CCDC30: variants seen among roughly 807,000 people sequenced by gnomAD.
CCDC30 encodes coiled-coil domain containing 30, also known as coiled-coil domain-containing protein 30.
CCDC30 carries 70 observed loss-of-function variants against 100.2 expected under a neutral mutation model. That is an observed-to-expected ratio of 0.70 (90% CI 0.58 to 0.85). CCDC30 has a LOEUF of 0.85. Ranked by LOEUF, CCDC30 falls within the 40% of genes least tolerant of loss-of-function variation. The probability of loss-of-function intolerance (pLI) is 0.00; values close to 1 mark genes in which losing one functional copy is unlikely to be tolerated. For missense variants in CCDC30, 652 were observed against 771.2 expected, an observed-to-expected ratio of 0.85 and a Z score of 1.83; for synonymous variants, 233 against 269.5, an observed-to-expected ratio of 0.86 and a Z score of 1.33.
At chr1:42,545,486 T>A in intron 6 of CCDC30, 1 of 1,605,666 alleles carries the variant, frequency 6.2e-7, no homozygotes, top group South Asian at 1.1e-5. Flanking sequence ...TCTAATTTAA[T>A]TACAAGTGAA....
chr1:42,651,859 G>A (rs1648379879), intron 15 of CCDC30, among the ~76,000 whole-genome samples: 1 of 152,100 alleles, frequency 6.6e-6, no homozygotes, highest in Non-Finnish European at 1.5e-5. Context: ...GGGTGACAGA[G>A]CAACACCCTA....
At chr1:42,545,579 G>C in intron 6 of CCDC30, 2 of 1,597,852 alleles carry the variant, frequency 1.3e-6, no homozygotes, top group South Asian at 1.1e-5. Context: ...GAGGAACTCT[G>C]GTAAATTGGG....
chr1:42,602,413 G>A (rs1430206521), intron 10 of CCDC30, among the ~76,000 whole-genome samples: 1 of 151,946 alleles, frequency 6.6e-6, no homozygotes, highest in African/African-American at 2.4e-5. Context: ...AAAAAAAAGA[G>A]GGAGAGAGGA....
chr1:42,531,207 T>A (rs1644800576), intron 6 of CCDC30, among the ~76,000 whole-genome samples: 1 of 152,176 alleles, frequency 6.6e-6, no homozygotes, highest in Non-Finnish European at 1.5e-5. Flanking sequence ...CTCTTCCTCC[T>A]GCTCTGGCCA....
At chr1:42,534,143 C>T (rs1644853882) in intron 6 of CCDC30, among the ~76,000 whole-genome samples, 1 of 151,888 alleles carries the variant, frequency 6.6e-6, no homozygotes, top group Admixed American at 6.6e-5. Context: ...AATATATATT[C>T]TTTGGGAAAG....
At chr1:42,552,998 G>T (rs1645286037) in intron 6 of CCDC30, among the ~76,000 whole-genome samples, 1 of 152,096 alleles carries the variant, frequency 6.6e-6, no homozygotes, top group Non-Finnish European at 1.5e-5. Flanking sequence ...TCAGGGAATT[G>T]GAATCCCTTA....
chr1:42,537,439 T>C (rs1328352130), intron 6 of CCDC30: 1 of 357,940 alleles, frequency 2.8e-6, no homozygotes, highest in Non-Finnish European at 5.5e-6. Flanking sequence ...ACCCTCTTCC[T>C]GTGGTTTTGG....
intron 7 of CCDC30, among the ~76,000 whole-genome samples, chr1:42,574,703 T>G (rs1645797847): frequency 6.6e-6 from 1 of 152,190 alleles, no homozygotes; most frequent in Non-Finnish European, 1.5e-5. Flanking sequence ...TATTCAGACC[T>G]TGATTCTATC....
chr1:42,458,709 G>T (rs1359472978), upstream of CCDC30, among the ~76,000 whole-genome samples: 1 of 152,074 alleles, frequency 6.6e-6, no homozygotes, highest in African/African-American at 2.4e-5. Context: ...TTAATCTCTG[G>T]GATCTTTAGT....
At chr1:42,513,164 C>T (rs755266364) in intron 6 of CCDC30, among the ~76,000 whole-genome samples, 1 of 152,062 alleles carries the variant, frequency 6.6e-6, no homozygotes, top group Non-Finnish European at 1.5e-5. Flanking sequence ...AGGACATGGA[C>T]ATACATGGGT....
chr1:42,611,133 T>C (rs1415890713), intron 11 of CCDC30, 43 bp downstream of exon 15: 2 of 1,207,064 alleles, frequency 1.7e-6, no homozygotes, highest in Non-Finnish European at 2.5e-6. Flanking sequence ...CTATGTAGAG[T>C]AGTTATTTCT....
At chr1:42,627,685 G>A (rs1304864554) in intron 11 of CCDC30, among the ~76,000 whole-genome samples, 1 of 152,198 alleles carries the variant, frequency 6.6e-6, no homozygotes, top group Non-Finnish European at 1.5e-5. Flanking sequence ...GGCCAACTTA[G>A]CACTTGGGCT....
chr1:42,594,914 A>G (rs1353405121), intron 10 of CCDC30: 1 of 152,088 alleles, frequency 6.6e-6, no homozygotes, highest in Admixed American at 6.5e-5. Context: ...TATATCAATC[A>G]CAGTTAAAAG....
intron 6 of CCDC30, among the ~76,000 whole-genome samples, chr1:42,559,868 T>C (rs1312987193): frequency 6.6e-6 from 1 of 152,178 alleles, no homozygotes; most frequent in Non-Finnish European, 1.5e-5. Flanking sequence ...GCACTTATTC[T>C]AAAATCGACC....
chr1:42,493,278 A>G (rs1374742306), intron 4 of CCDC30, among the ~76,000 whole-genome samples: 1 of 152,138 alleles, frequency 6.6e-6, no homozygotes, highest in African/African-American at 2.4e-5. Context: ...GGAAGGAGAT[A>G]TTAAAATAAG....
chr1:42,471,411 T>A (rs540689554), intron 1 of CCDC30, among the ~76,000 whole-genome samples: 1 of 152,382 alleles, frequency 6.6e-6, no homozygotes, highest in Admixed American at 6.5e-5. Context: ...CAACTGCTTT[T>A]AGCACTTTGA....
At chr1:42,477,589 C>T (rs1169143996) in intron 1 of CCDC30, among the ~76,000 whole-genome samples, 1 of 152,182 alleles carries the variant, frequency 6.6e-6, no homozygotes, top group Admixed American at 6.5e-5. Context: ...AGTTCATATA[C>T]AGTTTTCCCT....
chr1:42,633,874 G>C (rs1333735084), intron 11 of CCDC30, among the ~76,000 whole-genome samples: 1 of 152,160 alleles, frequency 6.6e-6, no homozygotes, highest in Non-Finnish European at 1.5e-5. Context: ...GTTCAGCATG[G>C]CTGAGAAGGC....
downstream of CCDC30, among the ~76,000 whole-genome samples, chr1:42,656,997 C>T (rs556370976): frequency 6.6e-6 from 1 of 152,282 alleles, no homozygotes; most frequent in East Asian, 1.9e-4. Context: ...TCCCCCTCCT[C>T]CCCTTTCTTC....
Sources: gnomAD v4.1 joint callset for allele counts (sites outside exome capture counted in the v4.1 genomes callset) on GRCh38, gnomAD v4.1.1 for gene constraint, MANE v1.5 for transcripts, NCBI Gene and HGNC (gene_info 2026-07-23, HGNC 2026-07-21) for gene names.